REV3L: variants seen among roughly 807,000 people sequenced by gnomAD.
The protein encoded by REV3L is REV3 like, DNA directed polymerase zeta catalytic subunit, also known as DNA polymerase zeta catalytic subunit.
A neutral mutation model predicts 299.4 loss-of-function variants in REV3L; 69 were observed. The ratio of observed to expected loss-of-function variants is 0.23; its 90% CI spans 0.19 to 0.28. REV3L has a LOEUF of 0.28. Ranked by LOEUF, REV3L falls within the 10% of genes least tolerant of loss-of-function variation. The pLI is 1.00. For synonymous variants in REV3L, 1,238 were observed against 1,271.4 expected (o/e 0.97, Z 0.56); for missense variants, 3,128 against 3,693.8 (o/e 0.85, Z 3.97).
chr6:111,304,871 G>A (rs1354473035), intron 31 of REV3L, among the ~76,000 whole-genome samples: 4 of 150,738 alleles, frequency 2.7e-5, no homozygotes, highest in South Asian at 2.1e-4. Flanking sequence ...CTGTTTCTGC[G>A]TTAATTTGCT....
chr6:111,367,737 T>C lies in REV3L; in HGVS notation c.6051A>G (p.Glu2017=). The C allele has an allele frequency of 6.2e-7, 1 of 1,614,220 alleles. No individual in the cohort carries two copies. The highest frequency in any genetic ancestry group is 8.5e-7 in the Non-Finnish European group (1 of 1,180,036). The change falls in exon 14 of 32, where the codon GAA becomes GAG. Residue 2017 remains glutamate (E), a synonymous_variant. Transcript: ENST00000368802. ...QVWLQAKEEY[E]RSKKLPKTKP... ...TGGTTTTAGGCAGTTTCTTGGAACG[T>C]TCGTATTCTTCTTTGGCTTGAAGCC...
In REV3L at chr6:111,422,661, T is replaced by TATATAC. The variant is rs1491341805; in HGVS notation, c.140-6190_140-6189insGTATAT. On this transcript the variant is annotated intron_variant, in intron 1 of 31. Transcript: ENST00000368802. ...ATATATATATATACATATATATATA[T>TATATAC]ACATATATATATATATACGTATATA... Among the ~76,000 whole-genome samples the TATATAC allele has an allele frequency of 3.6e-4, 19 of 52,384 alleles. 5 individuals are homozygous for TATATAC. The highest frequency in any genetic ancestry group is 8.3e-4 in the Non-Finnish European group (18 of 21,588). 34.4% of individuals were successfully genotyped at this position (52,384 alleles called of 152,430 possible). A position where few individuals can be genotyped will look rare whatever the true frequency, so the allele number is the denominator to read the frequency against.
At chr6:111,470,411 A>C (rs1031024467) in intron 1 of REV3L, among the ~76,000 whole-genome samples, 7 of 152,210 alleles carry the variant, frequency 4.6e-5, no homozygotes, top group Non-Finnish European at 8.8e-5. Flanking sequence ...CACTTTAGGC[A>C]AAGTTAATTA....
At chr6:111,391,066 A>G (rs976424992) in intron 5 of REV3L, among the ~76,000 whole-genome samples, 2 of 137,468 alleles carry the variant, frequency 1.5e-5, no homozygotes, top group African/African-American at 5.3e-5. Flanking sequence ...ACACTTTGGT[A>G]TTTTTTTTTT....
intron 1 of REV3L, among the ~76,000 whole-genome samples, chr6:111,432,470 T>C (rs1199691297): frequency 2.0e-5 from 3 of 152,222 alleles, no homozygotes; most frequent in Non-Finnish European, 4.4e-5. Context: ...GGTCACTATG[T>C]ATTGATAAAA....
At chr6:111,318,973 G>T (rs1352009621) in intron 26 of REV3L, among the ~76,000 whole-genome samples, 1 of 152,182 alleles carries the variant, frequency 6.6e-6, no homozygotes, top group Non-Finnish European at 1.5e-5. Flanking sequence ...ATGGAGTGAG[G>T]GCGAGGGATT....
intron 1 of REV3L, among the ~76,000 whole-genome samples, chr6:111,460,651 T>C (rs1790657822): frequency 6.6e-6 from 1 of 150,520 alleles, no homozygotes; most frequent in Non-Finnish European, 1.5e-5. Flanking sequence ...GACAGAATGA[T>C]ACCAGACAGA....
intron 1 of REV3L, among the ~76,000 whole-genome samples, chr6:111,470,969 G>A (rs1210099095): frequency 6.6e-6 from 1 of 152,034 alleles, no homozygotes; most frequent in African/African-American, 2.4e-5. Context: ...AACAGAGTGA[G>A]ACTCTGTCTC....
In REV3L at chr6:111,482,899, G is replaced by A. The variant is rs1017647752; in HGVS notation, c.-11C>T. The A allele has an allele frequency of 1.1e-5, 16 of 1,510,630 alleles. No homozygotes were observed. Among genetic ancestry groups the A allele is most frequent in the South Asian group, 7.9e-5 (6 of 75,948 alleles). 93.6% of individuals were successfully genotyped at this position (1,510,630 alleles called of 1,614,324 possible). On this transcript the variant is annotated 5_prime_UTR_variant, in exon 1 of 32. Transcript: ENST00000368802. Reference sequence around the variant, plus strand: ...CCTTACTGAAAACATGTTCGCCGCCGCCGCCACTGCCTCCCTTCACTGGCG... The same window carrying A: ...CCTTACTGAAAACATGTTCGCCGCCACCGCCACTGCCTCCCTTCACTGGCG...
chr6:111,400,540 T>C (rs910676067), intron 4 of REV3L, among the ~76,000 whole-genome samples: 10 of 152,192 alleles, frequency 6.6e-5, no homozygotes, highest in African/African-American at 2.2e-4. Flanking sequence ...TTTAGGTCTT[T>C]TGACCATTTT....
At chr6:111,455,830 T>C (rs965244074) in intron 1 of REV3L, among the ~76,000 whole-genome samples, 2 of 152,236 alleles carry the variant, frequency 1.3e-5, no homozygotes, top group African/African-American at 4.8e-5. Flanking sequence ...TTCACTTTTC[T>C]TTTATGTATG....
chr6:111,333,825 T>C (rs1231447393), intron 22 of REV3L, among the ~76,000 whole-genome samples: 1 of 152,230 alleles, frequency 6.6e-6, no homozygotes, highest in Non-Finnish European at 1.5e-5. Context: ...GGGATATATG[T>C]AAATCCTTTT....
intron 4 of REV3L, among the ~76,000 whole-genome samples, chr6:111,402,290 A>ATG (rs1448360697): frequency 6.6e-6 from 1 of 152,046 alleles, no homozygotes; most frequent in Non-Finnish European, 1.5e-5. Flanking sequence ...TGTCTGAAGT[A>ATG]TGTTCCATTT....
chr6:111,462,453 GA>G lies in REV3L; in HGVS notation c.139+20296del, dbSNP rs1000427952. Among the ~76,000 whole-genome samples the G allele has an allele frequency of 3.3e-5, 5 of 150,398 alleles. No individual in the cohort carries two copies. In the South Asian group the frequency reaches 8.4e-4, roughly 25 times the overall value. ...GATCTAACAAACTTTCAAAATACAT[GA>G]AAAAAAAACTGATAGAACTGGAAAG... On this transcript the variant is annotated intron_variant, in intron 1 of 31. Coordinates refer to ENST00000368802, the MANE Select transcript of REV3L (RefSeq NM_001372078.1).
chr6:111,399,509 T>C (rs1447676655), intron 4 of REV3L, among the ~76,000 whole-genome samples: 1 of 152,222 alleles, frequency 6.6e-6, no homozygotes, highest in Non-Finnish European at 1.5e-5. Context: ...GGATCCAATC[T>C]AGGACACCAC....
intron 1 of REV3L, among the ~76,000 whole-genome samples, chr6:111,421,569 T>G (rs1432557282): frequency 6.6e-6 from 1 of 152,162 alleles, no homozygotes; most frequent in African/African-American, 2.4e-5. Context: ...ATCTCTGCTC[T>G]AATTAATTAG....
intron 30 of REV3L, chr6:111,308,305 C>G (rs145129588): frequency 4.4e-6 from 2 of 450,832 alleles, no homozygotes; most frequent in Non-Finnish European, 8.9e-6. Context: ...ACATTCTTGC[C>G]GATGATGAAA....
chr6:111,452,076 T>C (rs1175947531), intron 1 of REV3L, among the ~76,000 whole-genome samples: 4 of 150,696 alleles, frequency 2.7e-5, no homozygotes, highest in Admixed American at 1.3e-4. Context: ...CCAAAGAAGA[T>C]ATGTGAATGG....
chr6:111,409,302 C>T (rs1235054358), intron 3 of REV3L, among the ~76,000 whole-genome samples: 3 of 149,616 alleles, frequency 2.0e-5, no homozygotes, highest in Non-Finnish European at 4.4e-5. Flanking sequence ...AACCAAGGGT[C>T]AAAATTCAAT....
Sources: gnomAD v4.1 joint callset for allele counts (sites outside exome capture counted in the v4.1 genomes callset) on GRCh38, gnomAD v4.1.1 for gene constraint, MANE v1.5 for transcripts, NCBI Gene and HGNC (gene_info 2026-07-23, HGNC 2026-07-21) for gene names.